Variants in TRPM3 observed in about 807,000 individuals in gnomAD.
TRPM3 encodes the protein transient receptor potential cation channel subfamily M member 3.
Under a neutral mutation model 181.2 loss-of-function variants are expected in TRPM3, and 77 were observed. That is an observed-to-expected ratio of 0.42 (90% confidence interval 0.35 to 0.51). TRPM3 has a LOEUF of 0.51. Ranked by LOEUF, TRPM3 falls within the 20% of genes least tolerant of loss-of-function variation. TRPM3 has a pLI of 0.01. For synonymous variants in TRPM3, 745 were observed against 796.4 expected (o/e 0.94, Z 1.09); for missense variants, 1,759 against 2,196.7 (o/e 0.80, Z 3.98).
In TRPM3 at chr9:70,535,123, T is replaced by C; in HGVS notation, c.*830A>G. 1 of 232,142 alleles carries C rather than the reference T, an allele frequency of 4.3e-6. No homozygotes were observed. The highest frequency in any genetic ancestry group is 8.2e-6 in the Non-Finnish European group (1 of 121,840). 14.4% of individuals were successfully genotyped at this position (232,142 alleles called of 1,614,324 possible). A position where few individuals can be genotyped will look rare whatever the true frequency, so the allele number is the denominator to read the frequency against. ...GAGATACAAAATAAATTAAAAAATA[T>C]AAAATTATTTAATTACATTCTCCTG... On this transcript the variant is annotated 3_prime_UTR_variant, in exon 26 of 26. Coordinates refer to ENST00000677713, the MANE Select transcript of TRPM3 (RefSeq NM_001366145.2).
chr9:71,010,932 TACACACACACACACAC>T (rs60869396), intron 1 of TRPM3, among the ~76,000 whole-genome samples: 4 of 147,092 alleles, frequency 2.7e-5, no homozygotes, highest in Non-Finnish European at 6.0e-5. Flanking sequence ...CACACACACA[TACACACACACACACAC>T]ACACACACAC....
At chr9:71,420,721 AAGAGAGAGAG>A (rs760245264) in intron 1 of TRPM3, among the ~76,000 whole-genome samples, 5 of 76,670 alleles carry the variant, frequency 6.5e-5, no homozygotes, top group South Asian at 5.2e-4. Flanking sequence ...GAAAGAGAGA[AAGAGAGAGAG>A]AGAGAAAGAG....
At chr9:70,824,115 C>T (rs1467464654) in intron 6 of TRPM3, among the ~76,000 whole-genome samples, 1 of 152,136 alleles carries the variant, frequency 6.6e-6, no homozygotes, top group Non-Finnish European at 1.5e-5. Context: ...GGGAAATATT[C>T]TTCAGAAGAT....
At chr9:71,008,288 G>C (rs972493400) in intron 1 of TRPM3, among the ~76,000 whole-genome samples, 2 of 151,870 alleles carry the variant, frequency 1.3e-5, no homozygotes, top group Admixed American at 1.3e-4. Context: ...TCCCATTAAA[G>C]AAAAGCCCAG....
intron 1 of TRPM3, among the ~76,000 whole-genome samples, chr9:71,264,857 T>C (rs1433600117): frequency 6.6e-6 from 1 of 152,182 alleles, no homozygotes; most frequent in Non-Finnish European, 1.5e-5. Context: ...CCATCCTCTA[T>C]GTCCCAAAGC....
At chr9:70,946,638 A>G (rs548275913) in intron 1 of TRPM3, among the ~76,000 whole-genome samples, 1 of 152,232 alleles carries the variant, frequency 6.6e-6, no homozygotes, top group Admixed American at 6.5e-5. Flanking sequence ...ATTTTCACAC[A>G]TTAAACATAT....
intron 1 of TRPM3, among the ~76,000 whole-genome samples, chr9:71,037,951 G>A (rs1340444230): frequency 2.0e-5 from 3 of 152,170 alleles, no homozygotes; most frequent in Non-Finnish European, 4.4e-5. Flanking sequence ...AGTTCTTGCT[G>A]CTAAGGTTTT....
intron 1 of TRPM3, among the ~76,000 whole-genome samples, chr9:71,024,330 G>A (rs1331623474): frequency 1.3e-5 from 2 of 152,104 alleles, no homozygotes; most frequent in Admixed American, 6.5e-5. Context: ...ATCAGGATCT[G>A]GAAAAGAAAT....
intron 7 of TRPM3, among the ~76,000 whole-genome samples, chr9:70,767,059 G>A (rs2079284633): frequency 6.6e-6 from 1 of 152,244 alleles, no homozygotes; most frequent in Non-Finnish European, 1.5e-5. Flanking sequence ...TTAGGAAAGA[G>A]TCACTGACGT....
At chr9:71,291,020 A>G (rs1438692054) in intron 1 of TRPM3, among the ~76,000 whole-genome samples, 1 of 152,182 alleles carries the variant, frequency 6.6e-6, no homozygotes, top group East Asian at 1.9e-4. Flanking sequence ...TTGATTCAAA[A>G]AGATAAAATC....
chr9:70,852,756 A>G (rs17470784), intron 3 of TRPM3, among the ~76,000 whole-genome samples: 4,389 of 152,198 alleles, frequency 0.029, 88 homozygotes, highest in Middle Eastern at 0.058. Context: ...AATCTTGCCA[A>G]TTCTGAGGCT....
At chr9:70,897,025 T>C (rs2096288434) in intron 1 of TRPM3, among the ~76,000 whole-genome samples, 1 of 130,550 alleles carries the variant, frequency 7.7e-6, no homozygotes, top group Non-Finnish European at 1.6e-5. Context: ...GTATATACTG[T>C]GCAATGATCA....
intron 14 of TRPM3, 81 bp from the exon 15 acceptor site, chr9:70,621,354 T>TTTTTG (rs1006780511): frequency 4.4e-6 from 5 of 1,126,340 alleles, no homozygotes; most frequent in East Asian, 2.9e-5. Context: ...TATTATATAT[T>TTTTTG]TTTTGTTTTG....
At chr9:70,843,188 A>G in intron 4 of TRPM3, 61 bp from the exon 5 acceptor site, 1 of 1,543,038 alleles carries the variant, frequency 6.5e-7, no homozygotes, top group Non-Finnish European at 8.8e-7. Flanking sequence ...TCATCATTCT[A>G]AAGAAAACTG....
chr9:70,548,017 ACT>A (rs1384010942), intron 25 of TRPM3, among the ~76,000 whole-genome samples: 4 of 151,670 alleles, frequency 2.6e-5, no homozygotes, highest in African/African-American at 9.7e-5. Context: ...GCATCTTAAC[ACT>A]CTTTTTTCCC....
chr9:71,173,586 A>G (rs1457094688), intron 1 of TRPM3, among the ~76,000 whole-genome samples: 1 of 152,212 alleles, frequency 6.6e-6, no homozygotes, highest in African/African-American at 2.4e-5. Context: ...ACCAAGATCT[A>G]TGGCTGTGTA....
At chr9:71,292,348 A>G (rs2085887386) in intron 1 of TRPM3, among the ~76,000 whole-genome samples, 1 of 152,024 alleles carries the variant, frequency 6.6e-6, no homozygotes, top group African/African-American at 2.4e-5. Context: ...AGAATAGAAA[A>G]CAGAAAAGAA....
chr9:70,652,145 C>T (rs1228530433), intron 9 of TRPM3, among the ~76,000 whole-genome samples: 1 of 151,942 alleles, frequency 6.6e-6, no homozygotes, highest in Non-Finnish European at 1.5e-5. Context: ...GAGGAGGCTT[C>T]GAACCTAGAT....
At chr9:70,603,254 C>T in intron 20 of TRPM3, 88 bp downstream of exon 20, 2 of 1,472,588 alleles carry the variant, frequency 1.4e-6, no homozygotes, top group Non-Finnish European at 1.8e-6. Flanking sequence ...GCTTAATTTG[C>T]ATCCCAGGCA....
Sources: allele counts gnomAD v4.1 joint callset (sites outside exome capture counted in the v4.1 genomes callset), GRCh38; gene constraint gnomAD v4.1.1; transcripts MANE v1.5; gene names NCBI Gene and HGNC (gene_info 2026-07-23, HGNC 2026-07-21).